MARCHF1: variants seen among roughly 807,000 people sequenced by gnomAD.
MARCHF1 encodes E3 ubiquitin-protein ligase MARCHF1.
MARCHF1 carries 40 observed loss-of-function variants against 54.2 expected under a neutral mutation model. The ratio of observed to expected loss-of-function variants is 0.74; its 90% CI spans 0.57 to 0.96. MARCHF1 has a LOEUF of 0.96. Among genes scored for constraint, MARCHF1 ranks in the 40% least tolerant of loss-of-function variants. MARCHF1 has a pLI of 0.00. For synonymous variants in MARCHF1, 236 were observed against 236.3 expected (o/e 1.00, Z 0.01); for missense variants, 586 against 656.5 (o/e 0.89, Z 1.17).
intron 5 of MARCHF1, among the ~76,000 whole-genome samples, chr4:163,638,041 A>G (rs1742406687): frequency 1.4e-5 from 2 of 143,104 alleles, no homozygotes; most frequent in African/African-American, 5.2e-5. Flanking sequence ...GAATTGAACA[A>G]TGAGGTCACA....
chr4:163,990,929 T>C (rs1253535266), intron 2 of MARCHF1, among the ~76,000 whole-genome samples: 1 of 152,216 alleles, frequency 6.6e-6, no homozygotes, highest in Non-Finnish European at 1.5e-5. Context: ...ATTAAAGTTA[T>C]AGGAAAGAAG....
intron 1 of MARCHF1, among the ~76,000 whole-genome samples, chr4:164,373,064 T>A (rs1345788072): frequency 6.6e-6 from 1 of 152,184 alleles, no homozygotes; most frequent in Non-Finnish European, 1.5e-5. Context: ...ATATTTGCTT[T>A]AATGATGGTA....
At chr4:164,277,266 C>T (rs1410359262) in intron 1 of MARCHF1, among the ~76,000 whole-genome samples, 1 of 152,118 alleles carries the variant, frequency 6.6e-6, no homozygotes, top group Non-Finnish European at 1.5e-5. Flanking sequence ...CCAGGGGCTA[C>T]AGCAATATCT....
At chr4:164,142,109 C>T (rs1006381561) in intron 1 of MARCHF1, among the ~76,000 whole-genome samples, 4 of 152,198 alleles carry the variant, frequency 2.6e-5, no homozygotes, top group African/African-American at 9.7e-5. Flanking sequence ...CTGTGCTTTT[C>T]CAACGGGCTT....
chr4:163,997,279 A>C (rs1233418986), intron 2 of MARCHF1, among the ~76,000 whole-genome samples: 1 of 152,038 alleles, frequency 6.6e-6, no homozygotes, highest in East Asian at 1.9e-4. Context: ...TGAGGCTAAA[A>C]AACAGTATGG....
intron 4 of MARCHF1, among the ~76,000 whole-genome samples, chr4:163,708,127 T>C (rs1010827763): frequency 2.0e-5 from 3 of 151,710 alleles, no homozygotes; most frequent in Non-Finnish European, 4.4e-5. Context: ...GGCATCTAGA[T>C]ACAAGGTTTC....
chr4:163,596,537 CAAAAAAA>C (rs142539749), intron 7 of MARCHF1, among the ~76,000 whole-genome samples: 10 of 73,776 alleles, frequency 1.4e-4, no homozygotes, highest in East Asian at 4.2e-4. Context: ...GAGGCTGTCT[CAAAAAAA>C]AAAAAAAAAA....
intron 2 of MARCHF1, among the ~76,000 whole-genome samples, chr4:164,099,996 G>C (rs1755504195): frequency 6.6e-6 from 1 of 152,086 alleles, no homozygotes; most frequent in East Asian, 1.9e-4. Context: ...CATCATTTTG[G>C]TAACTGATAG....
chr4:164,249,002 T>G (rs1481971302), intron 1 of MARCHF1, among the ~76,000 whole-genome samples: 1 of 152,086 alleles, frequency 6.6e-6, no homozygotes, highest in African/African-American at 2.4e-5. Context: ...ATTTACCAAG[T>G]GTTGCTACAA....
At chr4:164,000,562 C>T (rs1235329564) in intron 2 of MARCHF1, among the ~76,000 whole-genome samples, 1 of 151,370 alleles carries the variant, frequency 6.6e-6, no homozygotes, top group Non-Finnish European at 1.5e-5. Context: ...AAAGAATAAG[C>T]TGGATTATTT....
chr4:164,151,790 C>A (rs1075672), intron 1 of MARCHF1, among the ~76,000 whole-genome samples: 30,369 of 151,914 alleles, frequency 0.2, 4,928 homozygotes, highest in African/African-American at 0.43. Context: ...ACGCCCCCCC[C>A]AAAAAAATAT....
At chr4:164,258,620 A>G (rs181341017) in intron 1 of MARCHF1, among the ~76,000 whole-genome samples, 2 of 152,272 alleles carry the variant, frequency 1.3e-5, no homozygotes, top group African/African-American at 4.8e-5. Flanking sequence ...AAGAATCACA[A>G]TATCAAATAA....
intron 1 of MARCHF1, among the ~76,000 whole-genome samples, chr4:164,180,439 T>C (rs1730803667): frequency 1.3e-5 from 2 of 152,188 alleles, no homozygotes; most frequent in Non-Finnish European, 2.9e-5. Flanking sequence ...GTCCATTTAA[T>C]GTTCATCTAA....
At chr4:163,921,987 A>G (rs1477283443) in intron 3 of MARCHF1, among the ~76,000 whole-genome samples, 1 of 152,206 alleles carries the variant, frequency 6.6e-6, no homozygotes, top group East Asian at 1.9e-4. Context: ...CAACAATGAT[A>G]GACTGGATTA....
intron 1 of MARCHF1, among the ~76,000 whole-genome samples, chr4:164,152,575 C>G (rs1023248160): frequency 6.6e-6 from 1 of 152,150 alleles, no homozygotes; most frequent in African/African-American, 2.4e-5. Context: ...CCTGCAAAGT[C>G]TCTTGGGGGA....
intron 4 of MARCHF1, among the ~76,000 whole-genome samples, chr4:163,723,791 T>A (rs1178445921): frequency 6.6e-6 from 1 of 152,228 alleles, no homozygotes; most frequent in African/African-American, 2.4e-5. Flanking sequence ...CAATCACTGA[T>A]ACCCTTTCTT....
At chr4:164,348,834 T>A (rs1462507239) in intron 1 of MARCHF1, among the ~76,000 whole-genome samples, 1 of 152,112 alleles carries the variant, frequency 6.6e-6, no homozygotes, top group African/African-American at 2.4e-5. Flanking sequence ...TTTATTGAAA[T>A]ACTACTATAT....
At chr4:164,270,312 C>A (rs1385883446) in intron 1 of MARCHF1, among the ~76,000 whole-genome samples, 1 of 152,182 alleles carries the variant, frequency 6.6e-6, no homozygotes, top group Non-Finnish European at 1.5e-5. Context: ...ATGTCCCATT[C>A]TCTGTGAAGC....
chr4:164,254,979 A>T (rs1298528999), intron 1 of MARCHF1, among the ~76,000 whole-genome samples: 1 of 152,176 alleles, frequency 6.6e-6, no homozygotes, highest in Non-Finnish European at 1.5e-5. Flanking sequence ...TCCTGACCTC[A>T]GGTTATCCAC....
Sources: gnomAD v4.1 joint callset for allele counts (sites outside exome capture counted in the v4.1 genomes callset) on GRCh38, gnomAD v4.1.1 for gene constraint, MANE v1.5 for transcripts, NCBI Gene and HGNC (gene_info 2026-07-23, HGNC 2026-07-21) for gene names.